PDE10A: variants seen among roughly 807,000 people sequenced by gnomAD.
PDE10A encodes the protein cAMP and cAMP-inhibited cGMP 3',5'-cyclic phosphodiesterase 10A.
In PDE10A, 39 loss-of-function variants were observed where a neutral mutation model predicts 97.7. The ratio of observed to expected loss-of-function variants is 0.40; its 90% CI spans 0.31 to 0.52. The LOEUF is 0.52. PDE10A is among the 20% of genes least tolerant of loss of function. PDE10A has a pLI of 0.56. For synonymous variants in PDE10A, 371 were observed against 376.8 expected (o/e 0.98, Z 0.18); for missense variants, 731 against 1,047.8 (o/e 0.70, Z 4.17).
At chr6:165,964,800 T>A (rs1784461596) in intron 1 of PDE10A, among the ~76,000 whole-genome samples, 1 of 152,120 alleles carries the variant, frequency 6.6e-6, no homozygotes, top group Admixed American at 6.5e-5. Context: ...TGGACCCACA[T>A]AATGATGAGA....
At chr6:165,822,991 G>A (rs1583146543) in intron 1 of PDE10A, among the ~76,000 whole-genome samples, 1 of 151,884 alleles carries the variant, frequency 6.6e-6, no homozygotes, top group Non-Finnish European at 1.5e-5. Context: ...CTGCCACCAC[G>A]CCCGGCTAAT....
intron 3 of PDE10A, among the ~76,000 whole-genome samples, chr6:165,451,709 T>C (rs1791302985): frequency 6.6e-6 from 1 of 152,142 alleles, no homozygotes; most frequent in Non-Finnish European, 1.5e-5. Context: ...AACCAACCAA[T>C]GATTGGACAA....
At chr6:165,762,628 GA>G (rs948123269) in intron 1 of PDE10A, among the ~76,000 whole-genome samples, 35 of 152,128 alleles carry the variant, frequency 2.3e-4, no homozygotes, top group African/African-American at 8.2e-4. Flanking sequence ...CAAATGAAGT[GA>G]ATTATAACAC....
chr6:165,343,580 C>G, intron 18 of PDE10A, 78 bp from the exon 19 acceptor site: 2 of 1,019,166 alleles, frequency 2.0e-6, no homozygotes, highest in Middle Eastern at 2.1e-4. Context: ...TTCTGTATTT[C>G]AGGAGTGAAG....
chr6:165,448,923 C>A lies in PDE10A; in HGVS notation c.1194+5G>T. The A allele has an allele frequency of 6.3e-7, 1 of 1,594,340 alleles. No individual in the cohort carries two copies. Among genetic ancestry groups the A allele is most frequent in the Non-Finnish European group, 8.6e-7 (1 of 1,165,184 alleles). ...GAGCACCAAAATCTAAATTTAGATA[C>A]TTACATTATTGCACTCTCCAAGGAA... On this transcript the variant is annotated splice_donor_5th_base_variant and intron_variant, in intron 5 of 21. Transcript: ENST00000539869.
intron 4 of PDE10A, 82 bp downstream of exon 4, chr6:165,450,160 C>T: frequency 2.4e-6 from 2 of 849,194 alleles, no homozygotes; most frequent in Non-Finnish European, 1.8e-6. Flanking sequence ...CTTTCATCTG[C>T]CTCTTAGTAA....
At chr6:165,416,710 T>C (rs1270879961) in intron 11 of PDE10A, among the ~76,000 whole-genome samples, 3 of 152,228 alleles carry the variant, frequency 2.0e-5, no homozygotes, top group Non-Finnish European at 4.4e-5. Flanking sequence ...ACTAGAATGC[T>C]GGTCTCTACC....
intron 1 of PDE10A, among the ~76,000 whole-genome samples, chr6:165,621,037 A>G (rs1480929319): frequency 2.0e-5 from 3 of 149,744 alleles, no homozygotes; most frequent in East Asian, 3.9e-4. Flanking sequence ...AAAAAAAAGG[A>G]AGAAAGAAAA....
intron 3 of PDE10A, among the ~76,000 whole-genome samples, chr6:165,463,734 G>A (rs1391396083): frequency 6.6e-6 from 1 of 152,174 alleles, no homozygotes; most frequent in Non-Finnish European, 1.5e-5. Context: ...CAAAATCTCT[G>A]CAGCAGCACT....
At chr6:165,694,055 CA>C (rs2128442362) in intron 1 of PDE10A, among the ~76,000 whole-genome samples, 1 of 152,306 alleles carries the variant, frequency 6.6e-6, no homozygotes, top group African/African-American at 2.4e-5. Flanking sequence ...CAAAACCACT[CA>C]ACACTTATGT....
chr6:165,769,774 A>G (rs1042053273), intron 1 of PDE10A, among the ~76,000 whole-genome samples: 2 of 152,216 alleles, frequency 1.3e-5, no homozygotes, highest in Admixed American at 1.3e-4. Flanking sequence ...AATAGAGCAG[A>G]GAGAGGGCAT....
At chr6:165,638,637 T>C (rs932902654) in intron 1 of PDE10A, among the ~76,000 whole-genome samples, 5 of 152,198 alleles carry the variant, frequency 3.3e-5, no homozygotes, top group African/African-American at 9.7e-5. Flanking sequence ...TAAAAAAGGA[T>C]ATACTATGAA....
chr6:165,837,786 T>C (rs1050951437), intron 1 of PDE10A, among the ~76,000 whole-genome samples: 3 of 149,804 alleles, frequency 2.0e-5, no homozygotes, highest in Non-Finnish European at 4.4e-5. Context: ...CCCAGGTTCA[T>C]GCCATTCTCC....
intron 1 of PDE10A, among the ~76,000 whole-genome samples, chr6:165,563,269 G>A (rs990685747): frequency 5.3e-5 from 8 of 150,182 alleles, no homozygotes; most frequent in Non-Finnish European, 1.2e-4. Context: ...GGAGGAAGGA[G>A]GGAAGGAAGG....
intron 1 of PDE10A, among the ~76,000 whole-genome samples, chr6:165,933,374 C>T (rs1783207707): frequency 6.6e-6 from 1 of 152,182 alleles, no homozygotes; most frequent in African/African-American, 2.4e-5. Context: ...GCTAGCATAG[C>T]ACACGTCCAT....
chr6:165,407,070 A>G (rs1787238227), intron 13 of PDE10A, among the ~76,000 whole-genome samples: 1 of 152,158 alleles, frequency 6.6e-6, no homozygotes, highest in African/African-American at 2.4e-5. Flanking sequence ...TTTAGCTTCC[A>G]TAATCATATG....
chr6:165,812,787 A>G (rs940243604), intron 1 of PDE10A, among the ~76,000 whole-genome samples: 1 of 152,210 alleles, frequency 6.6e-6, no homozygotes, highest in African/African-American at 2.4e-5. Flanking sequence ...ACAACCTACA[A>G]AAACGGTAGG....
chr6:165,494,927 A>C (rs1780452316), intron 2 of PDE10A, among the ~76,000 whole-genome samples: 1 of 152,176 alleles, frequency 6.6e-6, no homozygotes, highest in African/African-American at 2.4e-5. Flanking sequence ...TTATTTTAAT[A>C]TTTCTAAGTG....
rs371387042 is a variant in PDE10A, at chr6:165,712,480, C to T, written c.-614-168912G>A. Among the ~76,000 whole-genome samples the T allele has an allele frequency of 2.6e-5, 4 of 151,984 alleles. No individual in the cohort carries two copies. The East Asian group carries it at 7.7e-4, about 29-fold the overall frequency. ...TTTGCTCAGCTCTAACTGCTGGGCC[C>T]CTGGCATCTTCCATTAAGAACTTGT... On this transcript the variant is annotated intron_variant, in intron 1 of 19. Transcript: ENST00000366882.
Sources: allele counts gnomAD v4.1 joint callset (sites outside exome capture counted in the v4.1 genomes callset), GRCh38; gene constraint gnomAD v4.1.1; transcripts MANE v1.5; gene names NCBI Gene and HGNC (gene_info 2026-07-23, HGNC 2026-07-21).